SMYD4: variants seen among roughly 807,000 people sequenced by gnomAD.
SMYD4 encodes the protein protein-lysine N-methyltransferase SMYD4.
SMYD4 carries 68 observed loss-of-function variants against 72.8 expected under a neutral mutation model. The observed-to-expected ratio is 0.93, with a 90% CI of 0.77 to 1.14. The LOEUF (loss-of-function observed/expected upper bound fraction) is 1.14, where lower values mean the gene tolerates loss of function less well. Among genes scored for constraint, SMYD4 ranks in the 50% most tolerant of loss-of-function variants. The pLI is 0.00. For synonymous variants in SMYD4, 407 were observed against 388.6 expected, an observed-to-expected ratio of 1.05 and a Z score of -0.56; for missense variants, 984 against 1,003.7, an observed-to-expected ratio of 0.98 and a Z score of 0.27.
At chr17:1,804,477 T>G in intron 4 of SMYD4, 149 bp downstream of exon 4, 1 of 674,828 alleles carries the variant, frequency 1.5e-6, no homozygotes, top group Non-Finnish European at 2.5e-6. Flanking sequence ...CAGTCCGACT[T>G]TAGGTAGATA....
chr17:1,799,865 T>C lies in SMYD4; in HGVS notation c.1529A>G (p.Gln510Arg). The change falls in exon 5 of 11, where the codon CAA becomes CGA. Residue 510 changes from glutamine to arginine, a missense_variant. Physicochemically the swap from Gln to Arg is conservative, Grantham distance 43. Coordinates refer to ENST00000305513, the MANE Select transcript of SMYD4 (RefSeq NM_052928.3). ...ATCAGGTTCCCTCTTACCTGTGTGTTGTATGGTGGTCATCGCCTGAGCGTT... is the reference window on the plus strand; with the variant it reads ...ATCAGGTTCCCTCTTACCTGTGTGTCGTATGGTGGTCATCGCCTGAGCGTT... Reference protein sequence around the residue: ...QCNAQAMTTIQHTGPKGSIVT... With the variant: ...QCNAQAMTTIRHTGPKGSIVT... 6.3e-7 allele frequency: 1 copy of C among 1,594,212 alleles called. No homozygotes were observed. Among genetic ancestry groups the C allele is most frequent in the Non-Finnish European group, 8.6e-7 (1 of 1,167,488 alleles).
intron 3 of SMYD4, among the ~76,000 whole-genome samples, chr17:1,808,890 T>C (rs765567130): frequency 2.6e-5 from 4 of 152,198 alleles, no homozygotes; most frequent in African/African-American, 4.8e-5. Flanking sequence ...CTAAATACTT[T>C]ATTACAACAC....
chr17:1,789,916 T>A (rs1908931682), intron 5 of SMYD4, among the ~76,000 whole-genome samples: 1 of 152,198 alleles, frequency 6.6e-6, no homozygotes, highest in African/African-American at 2.4e-5. Context: ...CAATTCTAGT[T>A]AATAATTCTA....
At chr17:1,816,064 C>T (rs1910577063) in intron 2 of SMYD4, among the ~76,000 whole-genome samples, 1 of 105,616 alleles carries the variant, frequency 9.5e-6, no homozygotes, top group African/African-American at 3.6e-5. Flanking sequence ...ATCCAACCAT[C>T]AGCACTATTC....
chr17:1,782,565 G>C (rs983820425), intron 10 of SMYD4: 1 of 152,430 alleles, frequency 6.6e-6, no homozygotes, highest in African/African-American at 2.4e-5. Context: ...GCTTTAAAAG[G>C]AAGAGGATGC....
At chr17:1,826,209 G>A (rs1367358349) in intron 2 of SMYD4, among the ~76,000 whole-genome samples, 1 of 152,050 alleles carries the variant, frequency 6.6e-6, no homozygotes, top group African/African-American at 2.4e-5. Context: ...AATGCACTGG[G>A]GGGCCGGGCG....
chr17:1,788,915 C>T (rs947169602), intron 5 of SMYD4, among the ~76,000 whole-genome samples: 3 of 152,244 alleles, frequency 2.0e-5, no homozygotes, highest in Admixed American at 6.5e-5. Flanking sequence ...CACACAGAAA[C>T]GCTTAAATTA....
chr17:1,825,507 CTTTCTTTT>C (rs1567790901), intron 2 of SMYD4, among the ~76,000 whole-genome samples: 1 of 131,594 alleles, frequency 7.6e-6, no homozygotes. Flanking sequence ...CTGTCATTTT[CTTTCTTTT>C]TTTTTTTTTT....
chr17:1,823,393 C>CAAA (rs57044082), intron 2 of SMYD4, among the ~76,000 whole-genome samples: 59 of 65,588 alleles, frequency 9.0e-4, no homozygotes, highest in East Asian at 1.8e-3. Context: ...GACTCCGTCT[C>CAAA]AAAAAAAAAA....
At position 1,781,247 on chromosome 17, in the gene SMYD4, A is replaced by AT. The variant is rs763487223; in HGVS notation, c.*38dup. ...GCAAAACCTCTTTAACTTGTGTTCC[A>AT]TGGGCTCCTTTTCTGTGGGTCAAAA... On this transcript the variant is annotated 3_prime_UTR_variant, in exon 11 of 11. Transcript: ENST00000305513. 4.4e-6 allele frequency: 7 copies of AT among 1,597,468 alleles called. No homozygotes were observed. The highest frequency in any genetic ancestry group is 2.3e-4 in the Middle Eastern group (1 of 4,426).
At position 1,787,612 on chromosome 17, in the gene SMYD4, G is replaced by A. The variant is rs760802581; in HGVS notation, c.1538-8C>T. On this transcript the variant is annotated splice_region_variant and splice_polypyrimidine_tract_variant and intron_variant, in intron 5 of 10. Coordinates refer to ENST00000305513, the MANE Select transcript of SMYD4 (RefSeq NM_052928.3). The stretch of plus-strand genomic sequence containing the variant: ...CGATGCTCCCTTTAGGTCCTGAAAG[G>A]GCAAGAGGAAAGAAGGAAAAAGGTG... 3.6e-5 allele frequency: 56 copies of A among 1,572,526 alleles called. No homozygotes were observed. In the Admixed American group the frequency reaches 9.3e-4, roughly 26 times the overall value.
At chr17:1,796,029 A>C (rs1909388528) in intron 5 of SMYD4, among the ~76,000 whole-genome samples, 1 of 151,846 alleles carries the variant, frequency 6.6e-6, no homozygotes, top group Non-Finnish European at 1.5e-5. Flanking sequence ...AGAACCTCAT[A>C]GATAAAGCCG....
intron 3 of SMYD4, among the ~76,000 whole-genome samples, chr17:1,811,251 C>T (rs1028633311): frequency 6.6e-6 from 1 of 152,158 alleles, no homozygotes; most frequent in African/African-American, 2.4e-5. Flanking sequence ...ACGGAGGAAG[C>T]GAGCCACACC....
intron 2 of SMYD4, among the ~76,000 whole-genome samples, chr17:1,825,511 C>CTTTT (rs58470302): frequency 9.3e-6 from 1 of 107,822 alleles, no homozygotes; most frequent in African/African-American, 3.4e-5. Flanking sequence ...CATTTTCTTT[C>CTTTT]TTTTTTTTTT....
intron 3 of SMYD4, among the ~76,000 whole-genome samples, chr17:1,810,760 C>T (rs1378030201): frequency 1.3e-5 from 2 of 152,252 alleles, no homozygotes; most frequent in African/African-American, 2.4e-5. Flanking sequence ...CAGGCAGACA[C>T]ATAAGCAGCT....
At chr17:1,789,626 G>A (rs975187786) in intron 5 of SMYD4, among the ~76,000 whole-genome samples, 16 of 151,622 alleles carry the variant, frequency 1.1e-4, no homozygotes, top group South Asian at 4.2e-4. Flanking sequence ...TTAGCTGAGC[G>A]TGGTGGCGTG....
In SMYD4 at chr17:1,784,310, A is replaced by G; in HGVS notation, c.2020+16T>C. The stretch of plus-strand genomic sequence containing the variant: ...AGGGAAGGGGCTGGAGGACCAAAGC[A>G]GGGAGCCAGTCTCACCTAGTTCACC... On this transcript the variant is annotated intron_variant, in intron 8 of 10. Transcript: ENST00000305513. 6.2e-7 allele frequency: 1 copy of G among 1,614,064 alleles called. No homozygotes were observed. The highest frequency in any genetic ancestry group is 1.7e-5 in the Admixed American group (1 of 60,006).
chr17:1,791,486 C>A (rs1909027833), intron 5 of SMYD4, among the ~76,000 whole-genome samples: 1 of 152,032 alleles, frequency 6.6e-6, no homozygotes, highest in Non-Finnish European at 1.5e-5. Context: ...TAATGAAATT[C>A]AATGAGAACA....
rs1228592937 is a variant in SMYD4, at chr17:1,809,830, C to T, written c.279+2141G>A. Among the ~76,000 whole-genome samples, 14 of 151,722 alleles carry T rather than the reference C, an allele frequency of 9.2e-5. No homozygotes were observed. In the East Asian group the frequency reaches 1.5e-3, roughly 17 times the overall value. Reference sequence around the variant, plus strand: ...GACTACAGGCGCCCGCCACCGTGCCCGGCTAATTTTTTGTATTTTTAGTAG... The same window carrying T: ...GACTACAGGCGCCCGCCACCGTGCCTGGCTAATTTTTTGTATTTTTAGTAG... On this transcript the variant is annotated intron_variant, in intron 3 of 10. Transcript: ENST00000305513.
Sources: gnomAD v4.1 joint callset for allele counts (sites outside exome capture counted in the v4.1 genomes callset) on GRCh38, gnomAD v4.1.1 for gene constraint, MANE v1.5 for transcripts, NCBI Gene and HGNC (gene_info 2026-07-23, HGNC 2026-07-21) for gene names.